The following IL1RAPL1 variants were observed in gnomAD, a reference collection of about 807,000 sequenced individuals.
IL1RAPL1 encodes interleukin-1 receptor accessory protein-like 1.
IL1RAPL1 carries 3 observed loss-of-function variants against 48.4 expected under a neutral mutation model. The ratio of observed to expected loss-of-function variants is 0.06; its 90% CI spans 0.03 to 0.16. IL1RAPL1 has a LOEUF of 0.16. Among genes scored for constraint, IL1RAPL1 ranks in the 10% least tolerant of loss-of-function variants. The pLI, the probability that IL1RAPL1 is intolerant of heterozygous loss-of-function variation, is 1.00. For missense variants in IL1RAPL1, 349 were observed against 530.6 expected (o/e 0.66, Z 3.36); for synonymous variants, 185 against 187.7 (o/e 0.99, Z 0.12).
intron 2 of IL1RAPL1, among the ~76,000 whole-genome samples, chrX:29,153,801 T>G (rs1234593523): frequency 8.9e-6 from 1 of 112,472 alleles, no homozygotes; most frequent in Non-Finnish European, 1.9e-5. Context: ...TTGTACTTGA[T>G]TCTAATAGTG....
At position 29,955,870 on chromosome X, in the gene IL1RAPL1, G is replaced by A. The variant is rs1436204035; in HGVS notation, c.*50G>A. 1 of 971,973 alleles carries A rather than the reference G, an allele frequency of 1.0e-6. No homozygotes were observed. The highest frequency in any genetic ancestry group is 3.1e-5 in the East Asian group (1 of 32,736). The allele number at this position is 971,973 out of a possible 1,213,427, so 80.1% of individuals were successfully genotyped here. A position where few individuals can be genotyped will look rare whatever the true frequency, so the allele number is the denominator to read the frequency against. On this transcript the variant is annotated 3_prime_UTR_variant, in exon 11 of 11. Coordinates refer to ENST00000378993, the MANE Select transcript of IL1RAPL1 (RefSeq NM_014271.4). ...CCTGGGAGGTTGAGTGGAATCTGCA[G>A]TCCAGTGCCTGGAACTAAATCCTCG... is the stretch of plus-strand genomic sequence containing the variant.
chrX:28,656,959 G>A (rs1209441692), intron 1 of IL1RAPL1, among the ~76,000 whole-genome samples: 2 of 106,504 alleles, frequency 1.9e-5, no homozygotes, highest in African/African-American at 6.9e-5. Flanking sequence ...CCCGGGAGGC[G>A]GAGCTTGCAG....
At chrX:29,053,212 C>CT (rs1269867684) in intron 2 of IL1RAPL1, among the ~76,000 whole-genome samples, 14 of 111,624 alleles carry the variant, frequency 1.3e-4, no homozygotes, top group Non-Finnish European at 2.1e-4. Flanking sequence ...ATGATTTGTT[C>CT]TTTTTTTATG....
chrX:29,637,212 G>A (rs1924997171), intron 5 of IL1RAPL1, among the ~76,000 whole-genome samples: 1 of 107,690 alleles, frequency 9.3e-6, no homozygotes. Context: ...GGTATAAATA[G>A]AAAATTCAAA....
At chrX:29,690,189 T>C (rs1926736417) in intron 6 of IL1RAPL1, among the ~76,000 whole-genome samples, 1 of 111,648 alleles carries the variant, frequency 9.0e-6, no homozygotes, top group African/African-American at 3.3e-5. Flanking sequence ...AAAAAGAATG[T>C]TGTAAAGAGG....
intron 6 of IL1RAPL1, among the ~76,000 whole-genome samples, chrX:29,752,761 A>G (rs889116165): frequency 9.0e-6 from 1 of 111,292 alleles, no homozygotes; most frequent in Non-Finnish European, 1.9e-5. Context: ...TTTTCCTCCA[A>G]TTGGTTTAGA....
At chrX:28,941,775 TA>T (rs1924168796) in intron 2 of IL1RAPL1, among the ~76,000 whole-genome samples, 1 of 111,000 alleles carries the variant, frequency 9.0e-6, no homozygotes, top group African/African-American at 3.3e-5. Context: ...TTATCTCTAA[TA>T]GATTATGAAT....
chrX:29,651,428 C>G (rs757866487), intron 5 of IL1RAPL1, among the ~76,000 whole-genome samples: 2 of 106,726 alleles, frequency 1.9e-5, no homozygotes, highest in Non-Finnish European at 3.9e-5. Context: ...CAATGAAATA[C>G]TGTTTAGCCA....
chrX:29,457,034 C>T (rs148574922), intron 5 of IL1RAPL1, among the ~76,000 whole-genome samples: 2 of 107,421 alleles, frequency 1.9e-5, no homozygotes, highest in African/African-American at 6.8e-5. Flanking sequence ...CTCAGGAGGC[C>T]GAGGAGGAAA....
intron 5 of IL1RAPL1, among the ~76,000 whole-genome samples, chrX:29,588,790 G>C (rs748913475): frequency 1.8e-5 from 2 of 112,139 alleles, no homozygotes; most frequent in African/African-American, 3.2e-5. Flanking sequence ...TTGATGTCTG[G>C]TAAGTTATAT....
At chrX:28,962,610 A>G (rs186526668) in intron 2 of IL1RAPL1, among the ~76,000 whole-genome samples, 1 of 111,398 alleles carries the variant, frequency 9.0e-6, no homozygotes, top group Non-Finnish European at 1.9e-5. Flanking sequence ...TATTCAGAAA[A>G]AAATAATAAG....
At chrX:28,907,624 T>C (rs1285928138) in intron 2 of IL1RAPL1, among the ~76,000 whole-genome samples, 1 of 112,760 alleles carries the variant, frequency 8.9e-6, no homozygotes, top group African/African-American at 3.2e-5. Flanking sequence ...ATGGTGTATG[T>C]AATTTTTTAT....
chrX:28,653,705 A>G (rs1934714532), intron 1 of IL1RAPL1, among the ~76,000 whole-genome samples: 1 of 111,680 alleles, frequency 9.0e-6, no homozygotes, highest in African/African-American at 3.3e-5. Context: ...TAATTATTCT[A>G]CATCTACCAG....
intron 1 of IL1RAPL1, among the ~76,000 whole-genome samples, chrX:28,698,093 A>G (rs1469374992): frequency 8.9e-6 from 1 of 111,735 alleles, no homozygotes; most frequent in Non-Finnish European, 1.9e-5. Context: ...AGAGAGAATG[A>G]ATGAATACAA....
chrX:28,878,636 G>A (rs1922432030), intron 2 of IL1RAPL1, among the ~76,000 whole-genome samples: 1 of 111,833 alleles, frequency 8.9e-6, no homozygotes, highest in Non-Finnish European at 1.9e-5. Context: ...CCTTGTCTAA[G>A]TAAACAAGAG....
chrX:29,208,736 A>AATAAT lies in IL1RAPL1; in HGVS notation c.83-74201_83-74200insTAATA, dbSNP rs199568044. Among the ~76,000 whole-genome samples, 198 of 81,648 alleles carry AATAAT rather than the reference A, an allele frequency of 2.4e-3. 1 individual carries two copies. The highest frequency in any genetic ancestry group is 8.8e-3 in the African/African-American group (175 of 19,953). The allele number at this position is 81,648 out of a possible 115,157, so 70.9% of individuals were successfully genotyped here. A position where few individuals can be genotyped will look rare whatever the true frequency, so the allele number is the denominator to read the frequency against. ...TAATAATAATAATAATAATAATAAT[A>AATAAT]AATAAATAAATAAATAAAAGTCTTA... On this transcript the variant is annotated intron_variant, in intron 2 of 10. Transcript: ENST00000378993.
chrX:29,213,034 T>G (rs1930800422), intron 2 of IL1RAPL1, among the ~76,000 whole-genome samples: 1 of 111,724 alleles, frequency 9.0e-6, no homozygotes, highest in Admixed American at 9.5e-5. Flanking sequence ...GTTTTGCTGT[T>G]GTCTTCCAGG....
chrX:29,631,703 G>A (rs1924780659), intron 5 of IL1RAPL1, among the ~76,000 whole-genome samples: 1 of 111,563 alleles, frequency 9.0e-6, no homozygotes, highest in South Asian at 3.8e-4. Context: ...GCTGAGGCAG[G>A]AGAATCGCCT....
intron 2 of IL1RAPL1, among the ~76,000 whole-genome samples, chrX:28,976,463 G>C (rs1021863122): frequency 9.0e-6 from 1 of 111,545 alleles, no homozygotes; most frequent in Non-Finnish European, 1.9e-5. Context: ...AGAGGATAGA[G>C]TTGCCATTTA....
Sources: gnomAD v4.1 joint callset for allele counts (sites outside exome capture counted in the v4.1 genomes callset) on GRCh38, gnomAD v4.1.1 for gene constraint, MANE v1.5 for transcripts, NCBI Gene and HGNC (gene_info 2026-07-23, HGNC 2026-07-21) for gene names.